Variants in PANK1 observed in about 807,000 individuals in gnomAD.
PANK1 encodes pantothenic acid kinase 1.
A neutral mutation model predicts 40.1 loss-of-function variants in PANK1; 18 were observed. That is an observed-to-expected ratio of 0.45 (90% CI 0.31 to 0.67). The LOEUF (loss-of-function observed/expected upper bound fraction) is 0.67. PANK1 is among the 30% of genes least tolerant of loss of function. The pLI is 0.06. For missense variants in PANK1, 457 were observed against 599.6 expected (o/e 0.76, Z 2.48); for synonymous variants, 242 against 237.7 (o/e 1.02, Z -0.17).
intron 2 of PANK1, among the ~76,000 whole-genome samples, chr10:89,605,039 C>T (rs911532510): frequency 2.7e-5 from 4 of 150,492 alleles, no homozygotes; most frequent in African/African-American, 9.8e-5. Flanking sequence ...GTGTGAGCCA[C>T]CAAGCCCAGC....
At chr10:89,585,603 A>G (rs888283394) in intron 6 of PANK1, among the ~76,000 whole-genome samples, 4 of 152,198 alleles carry the variant, frequency 2.6e-5, no homozygotes, top group African/African-American at 9.6e-5. Flanking sequence ...CAATAACTCT[A>G]TGAGACAAAT....
chr10:89,632,630 T>C (rs918652456), intron 1 of PANK1, among the ~76,000 whole-genome samples: 1 of 152,222 alleles, frequency 6.6e-6, no homozygotes, highest in African/African-American at 2.4e-5. Flanking sequence ...CCATGATTAA[T>C]ACTTAAGTGC....
At chr10:89,616,090 A>G (rs1845306364) in intron 1 of PANK1, among the ~76,000 whole-genome samples, 1 of 152,212 alleles carries the variant, frequency 6.6e-6, no homozygotes, top group Non-Finnish European at 1.5e-5. Context: ...ATTTTAAAAT[A>G]TTTCTAGAGT....
At position 89,610,762 on chromosome 10, in the gene PANK1, T is replaced by A. The variant is rs1378169380; in HGVS notation, c.645+934A>T. Among the ~76,000 whole-genome samples, 3 of 152,334 alleles carry A rather than the reference T, an allele frequency of 2.0e-5. No individual in the cohort carries two copies. In the East Asian group the frequency reaches 5.8e-4, roughly 29 times the overall value. On this transcript the variant is annotated intron_variant, in intron 2 of 6. Transcript: ENST00000307534. ...ACGTATTTTATGACTTACCTCACTA[T>A]ATGTTCAACTTTCTAGTAAAACTAA...
intron 1 of PANK1, among the ~76,000 whole-genome samples, chr10:89,612,991 T>C (rs1025042500): frequency 3.3e-5 from 5 of 152,354 alleles, no homozygotes; most frequent in Non-Finnish European, 7.3e-5. Flanking sequence ...GTATACTTAA[T>C]GTGCTTGTGA....
chr10:89,592,411 T>C (rs1013328916), intron 5 of PANK1, among the ~76,000 whole-genome samples: 22 of 152,182 alleles, frequency 1.4e-4, no homozygotes, highest in Non-Finnish European at 8.8e-5. Flanking sequence ...GTTGCTTGTG[T>C]GTGTAAATTA....
At position 89,584,337 on chromosome 10, in the gene PANK1, TC is replaced by T; in HGVS notation, c.*68del. 9.8e-7 allele frequency: 1 copy of T among 1,016,216 alleles called. No individual in the cohort carries two copies. The highest frequency in any genetic ancestry group is 1.6e-6 in the Non-Finnish European group (1 of 640,418). 62.9% of individuals were successfully genotyped at this position (1,016,216 alleles called of 1,614,324 possible). On this transcript the variant is annotated 3_prime_UTR_variant, in exon 7 of 7. Coordinates refer to ENST00000307534, the MANE Select transcript of PANK1 (RefSeq NM_148977.3). ...CTTGGCTTCCGTCCCAAAGCGACTT[TC>T]ACCTTCTCCAGCAGCAATTTTTTAG...
At chr10:89,612,259 C>G (rs905356012) in intron 1 of PANK1, among the ~76,000 whole-genome samples, 2 of 152,118 alleles carry the variant, frequency 1.3e-5, no homozygotes, top group Admixed American at 6.6e-5. Context: ...GCTCACACAC[C>G]ACTGCACTCC....
rs989940611 is a variant in PANK1, at chr10:89,609,520, T to G, written c.645+2176A>C. ...GCTTAGGAAGGAGGATAACACCTAT[T>G]CATCCTCATAACTTTGGAAAGACTC... On this transcript the variant is annotated intron_variant, in intron 2 of 6. Transcript: ENST00000307534. Among the ~76,000 whole-genome samples, 4 of 152,364 alleles carry G rather than the reference T, an allele frequency of 2.6e-5. No individual in the cohort carries two copies. In the East Asian group the frequency reaches 7.7e-4, roughly 29 times the overall value.
intron 1 of PANK1, among the ~76,000 whole-genome samples, chr10:89,614,624 C>G (rs990743623): frequency 1.3e-5 from 2 of 151,930 alleles, no homozygotes; most frequent in African/African-American, 4.8e-5. Flanking sequence ...ATGACGAAAC[C>G]CCATCTCTAC....
intron 6 of PANK1, among the ~76,000 whole-genome samples, chr10:89,587,208 G>T (rs994422652): frequency 4.6e-5 from 7 of 152,028 alleles, no homozygotes; most frequent in African/African-American, 1.7e-4. Flanking sequence ...TAATGGTCAG[G>T]TACACTGACC....
intron 2 of PANK1, among the ~76,000 whole-genome samples, chr10:89,604,118 A>G (rs1589777963): frequency 6.6e-6 from 1 of 152,350 alleles, no homozygotes. Context: ...TGATGAAAGC[A>G]ATCAGAAACC....
intron 2 of PANK1, 144 bp downstream of exon 2, chr10:89,611,552 A>G: frequency 1.6e-6 from 1 of 618,130 alleles, no homozygotes; most frequent in South Asian, 2.1e-5. Context: ...TTATTCTTGT[A>G]TAGGTGAGAA....
intron 5 of PANK1, 125 bp downstream of exon 5, chr10:89,593,072 T>G (rs1040978050): frequency 1.1e-6 from 1 of 929,938 alleles, no homozygotes; most frequent in African/African-American, 1.6e-5. Context: ...TTCTGTAAAG[T>G]GTGACTAGAG....
intron 6 of PANK1, among the ~76,000 whole-genome samples, chr10:89,587,700 G>A (rs1196712107): frequency 6.6e-6 from 1 of 152,140 alleles, no homozygotes; most frequent in Non-Finnish European, 1.5e-5. Flanking sequence ...AGATTGGTAA[G>A]TAAGTGCACA....
At chr10:89,595,834 ATATAT>A (rs1272958975) in intron 3 of PANK1, among the ~76,000 whole-genome samples, 177 of 44,218 alleles carry the variant, frequency 4.0e-3, no homozygotes, top group Middle Eastern at 0.013. Flanking sequence ...AAAAAAAAAA[ATATAT>A]ATATATATAT....
intron 3 of PANK1, among the ~76,000 whole-genome samples, chr10:89,595,992 T>C (rs1052090859): frequency 6.6e-6 from 1 of 150,898 alleles, no homozygotes; most frequent in Non-Finnish European, 1.5e-5. Flanking sequence ...AAACTGTAGA[T>C]GCAGTTCCAT....
intron 2 of PANK1, among the ~76,000 whole-genome samples, chr10:89,601,190 C>T (rs1239329615): frequency 1.3e-5 from 2 of 151,366 alleles, no homozygotes; most frequent in African/African-American, 4.9e-5. Flanking sequence ...AGAGGTAAAA[C>T]GGGCTGGGGT....
intron 1 of PANK1, among the ~76,000 whole-genome samples, chr10:89,631,085 C>T (rs1434936479): frequency 6.6e-6 from 1 of 152,198 alleles, no homozygotes; most frequent in East Asian, 1.9e-4. Context: ...GCCTGTACAC[C>T]ATTACCTAAG....
Sources: gnomAD v4.1 joint callset for allele counts (sites outside exome capture counted in the v4.1 genomes callset) on GRCh38, gnomAD v4.1.1 for gene constraint, MANE v1.5 for transcripts, NCBI Gene and HGNC (gene_info 2026-07-23, HGNC 2026-07-21) for gene names.